Variants in ZNF624 observed in about 807,000 individuals in gnomAD.
ZNF624 encodes the protein zinc finger protein 624.
Under a neutral mutation model 74.7 loss-of-function variants are expected in ZNF624, and 43 were observed. That is an observed-to-expected ratio of 0.58 (90% CI 0.45 to 0.74). The LOEUF (loss-of-function observed/expected upper bound fraction) is 0.74. Ranked by LOEUF, ZNF624 falls within the 30% of genes least tolerant of loss-of-function variation. ZNF624 has a pLI of 0.00. For missense variants in ZNF624, 820 were observed against 1,030.0 expected (o/e 0.80, Z 2.79); for synonymous variants, 331 against 341.3 (o/e 0.97, Z 0.33).
chr17:16,635,609 C>A lies in ZNF624; in HGVS notation c.154-853G>T, dbSNP rs151107321. ...TTCTGTATACATTGCACAAGATATA[C>A]CCTGAGAAAAATAACTGCAAAATAA... On this transcript the variant is annotated intron_variant, in intron 3 of 5. Transcript: ENST00000311331. Among the ~76,000 whole-genome samples, 454 of 152,074 alleles carry A rather than the reference C, an allele frequency of 3.0e-3. 3 individuals carry two copies. The highest frequency in any genetic ancestry group is 0.01 in the African/African-American group (428 of 41,488).
chr17:16,647,591 C>T (rs999650419), intron 2 of ZNF624, among the ~76,000 whole-genome samples, 197 bp from the exon 3 acceptor site: 4 of 152,130 alleles, frequency 2.6e-5, no homozygotes, highest in African/African-American at 9.7e-5. Context: ...CAATGACAAA[C>T]ACACGTAAGA....
chr17:16,646,202 A>T (rs1418945198), intron 3 of ZNF624, among the ~76,000 whole-genome samples: 1 of 152,152 alleles, frequency 6.6e-6, no homozygotes, highest in African/African-American at 2.4e-5. Context: ...TGAATTGTAC[A>T]CCATGTCAAA....
chr17:16,644,960 CAT>C lies in ZNF624; in HGVS notation c.153+2367_153+2368del, dbSNP rs966389643. 5.9e-5 allele frequency among the ~76,000 whole-genome samples: 9 copies of C among 152,200 alleles called. No individual in the cohort carries two copies. The South Asian group carries it at 1.0e-3, about 18-fold the overall frequency. ...TTTGCAACCCAGATGCAGACTTTCA[CAT>C]GAGGGGTTTCTGAATATGTCATTTT... On this transcript the variant is annotated intron_variant, in intron 3 of 5. Transcript: ENST00000311331.
rs925078935 is a variant in ZNF624 at position 16,621,577 on chromosome 17, T to C, written c.*711A>G. 6.6e-6 allele frequency: 1 copy of C among 152,202 alleles called. No homozygotes were observed. Among genetic ancestry groups the C allele is most frequent in the Admixed American group, 6.5e-5 (1 of 15,278 alleles). The allele number at this position is 152,202 out of a possible 1,614,324, so 9.4% of individuals were successfully genotyped here. On this transcript the variant is annotated 3_prime_UTR_variant, in exon 6 of 6. Coordinates refer to ENST00000311331, the MANE Select transcript of ZNF624 (RefSeq NM_020787.4). Reference sequence around the variant, plus strand: ...GATCTCTTAATTTTTGCCAGATCCATGAAGGGGAAGTTTCATCTCACTGAG... The same window carrying C: ...GATCTCTTAATTTTTGCCAGATCCACGAAGGGGAAGTTTCATCTCACTGAG...
chr17:16,645,197 T>C (rs1253383837), intron 3 of ZNF624, among the ~76,000 whole-genome samples: 1 of 152,128 alleles, frequency 6.6e-6, no homozygotes, highest in Non-Finnish European at 1.5e-5. Flanking sequence ...CCCAGCACTT[T>C]GGGAGGCTGA....
At position 16,621,445 on chromosome 17, in the gene ZNF624, A is replaced by G. The variant is rs112189342; in HGVS notation, c.*843T>C. 2 of 152,384 alleles carry G rather than the reference A, an allele frequency of 1.3e-5. No homozygotes were observed. Among genetic ancestry groups the G allele is most frequent in the African/African-American group, 4.8e-5 (2 of 41,596 alleles). 9.4% of individuals were successfully genotyped at this position (152,384 alleles called of 1,614,324 possible). ...GTGAGACTGCTGGGTCTAAGAGTAT[A>G]TATGTTTTAAATTTTTAAACATATA... On this transcript the variant is annotated 3_prime_UTR_variant, in exon 6 of 6. Coordinates refer to ENST00000311331, the MANE Select transcript of ZNF624 (RefSeq NM_020787.4).
chr17:16,652,175 G>T (rs970384164), intron 1 of ZNF624, among the ~76,000 whole-genome samples: 13 of 152,064 alleles, frequency 8.5e-5, no homozygotes, highest in Non-Finnish European at 1.5e-4. Context: ...ACCCATCTGA[G>T]AATCTGACCT....
chr17:16,623,841 C>T lies in ZNF624; in HGVS notation c.1045G>A (p.Val349Ile). The change falls in exon 6 of 6, where the codon GTA (valine) becomes ATA (isoleucine). Residue 349 changes from valine to isoleucine, a missense_variant. Coordinates refer to ENST00000311331, the MANE Select transcript of ZNF624 (RefSeq NM_020787.4). This position sits in a 1 kb window ranked among gnomAD's most constrained non-coding sequence, Gnocchi z 5.3. The part of the protein sequence containing the change: ...KAFIASSSLM[V>I]HQRIHTKEKP... ...TCTTTAGTGTGAATTCTCTGATGTA[C>T]CATAAGTGATGAAGAAGCAATGAAG... 1.1e-5 allele frequency: 18 copies of T among 1,613,808 alleles called. No homozygotes were observed. Among genetic ancestry groups the T allele is most frequent in the Non-Finnish European group, 1.5e-5 (18 of 1,179,948 alleles).
chr17:16,624,296 G>A lies in ZNF624; in HGVS notation c.590C>T (p.Pro197Leu). ...SQRIIPLKKT[P>L]TSQRGFRFES... is the part of the protein sequence containing the mutation. ...AAATCTAAAGCCTCTTTGACTAGTG[G>A]GAGTCTTCTTGAGTGGAATTATTCT... is the stretch of plus-strand genomic sequence containing the variant. Residue 197 changes from proline to leucine, a missense_variant, in exon 6 of 6, where the codon CCC becomes CTC. Pro to Leu is a moderately conservative substitution (Grantham distance 98). Coordinates refer to ENST00000311331, the MANE Select transcript of ZNF624 (RefSeq NM_020787.4). 1 of 1,613,708 alleles carries A rather than the reference G, an allele frequency of 6.2e-7. No homozygotes were observed.
In ZNF624 at chr17:16,638,271, G is replaced by A. The variant is rs1225732728; in HGVS notation, c.154-3515C>T. ...ACACTTTTACACTGTTGGTGGGACCGGAAACTAGTTCAACCATTGTGGAAG... is the reference window on the plus strand; with the variant it reads ...ACACTTTTACACTGTTGGTGGGACCAGAAACTAGTTCAACCATTGTGGAAG... On this transcript the variant is annotated intron_variant, in intron 3 of 5. Transcript: ENST00000311331. 5.9e-5 allele frequency among the ~76,000 whole-genome samples: 9 copies of A among 152,204 alleles called. No homozygotes were observed. In the East Asian group the frequency reaches 7.7e-4, roughly 13 times the overall value.
At chr17:16,644,134 G>T (rs1909532044) in intron 3 of ZNF624, among the ~76,000 whole-genome samples, 1 of 152,176 alleles carries the variant, frequency 6.6e-6, no homozygotes, top group African/African-American at 2.4e-5. Flanking sequence ...GAAGCAGCCT[G>T]AGGCCCTCAC....
At position 16,623,332 on chromosome 17, in the gene ZNF624, A is replaced by C. The variant is rs763767253; in HGVS notation, c.1554T>G (p.His518Gln). The C allele has an allele frequency of 5.0e-5, 80 of 1,613,234 alleles. No individual in the cohort carries two copies. The highest frequency in any genetic ancestry group is 6.5e-5 in the Non-Finnish European group (77 of 1,179,602). Residue 518 changes from histidine (H) to glutamine (Q), a missense_variant, in exon 6 of 6, where the codon CAT (histidine) becomes CAG (glutamine). Coordinates refer to ENST00000311331, the MANE Select transcript of ZNF624 (RefSeq NM_020787.4). The surrounding 1 kb of genome is among the most constrained non-coding windows in gnomAD (Gnocchi z 5.3). ...GTTTTTCTCCTGTGTGAATTCGCTGATGTTCTGTGAAATTTGCGATGCGGT... is the reference window on the plus strand; with the variant it reads ...GTTTTTCTCCTGTGTGAATTCGCTGCTGTTCTGTGAAATTTGCGATGCGGT... Reference protein sequence around the residue: ...AFNRIANFTEHQRIHTGEKPY... With the variant: ...AFNRIANFTEQQRIHTGEKPY...
chr17:16,637,825 A>T (rs1909370327), intron 3 of ZNF624, among the ~76,000 whole-genome samples: 2 of 152,164 alleles, frequency 1.3e-5, no homozygotes, highest in African/African-American at 4.8e-5. Flanking sequence ...TTCATGTCTA[A>T]AACACCAAAA....
At chr17:16,638,442 T>C (rs896479865) in intron 3 of ZNF624, among the ~76,000 whole-genome samples, 3 of 152,038 alleles carry the variant, frequency 2.0e-5, no homozygotes, top group Non-Finnish European at 4.4e-5. Context: ...CTACTCACAA[T>C]AGCAGACTTG....
chr17:16,645,579 T>C (rs369978205), intron 3 of ZNF624, among the ~76,000 whole-genome samples: 14 of 150,220 alleles, frequency 9.3e-5, no homozygotes, highest in African/African-American at 3.4e-4. Context: ...AACATGTACC[T>C]GTAAAATAAA....
At chr17:16,637,272 G>A (rs963713540) in intron 3 of ZNF624, among the ~76,000 whole-genome samples, 4 of 152,172 alleles carry the variant, frequency 2.6e-5, no homozygotes, top group Admixed American at 6.5e-5. Context: ...AACCAATATC[G>A]TGAAAATGGC....
intron 5 of ZNF624, among the ~76,000 whole-genome samples, chr17:16,627,132 A>G (rs1007349234): frequency 6.7e-6 from 1 of 150,182 alleles, no homozygotes; most frequent in African/African-American, 2.5e-5. Flanking sequence ...TCAGAAACTA[A>G]TATTAAATTT....
At chr17:16,642,048 A>G (rs1301450177) in intron 3 of ZNF624, among the ~76,000 whole-genome samples, 3 of 152,242 alleles carry the variant, frequency 2.0e-5, no homozygotes, top group Non-Finnish European at 4.4e-5. Flanking sequence ...CAAGTATGGA[A>G]GACTTAATCT....
chr17:16,649,541 T>C, intron 2 of ZNF624, 117 bp downstream of exon 2: 1 of 857,974 alleles, frequency 1.2e-6, no homozygotes, highest in African/African-American at 1.7e-5. Flanking sequence ...CATGGGTCTA[T>C]TTAGTTGAGT....
Sources: gnomAD v4.1 joint callset for allele counts (sites outside exome capture counted in the v4.1 genomes callset) on GRCh38, gnomAD v4.1.1 for gene constraint, Gnocchi (gnomAD v3.1) non-coding constraint, MANE v1.5 for transcripts, NCBI Gene and HGNC (gene_info 2026-07-23, HGNC 2026-07-21) for gene names.